Variants in TENM2 observed in about 807,000 individuals in gnomAD.
The protein encoded by TENM2 is teneurin transmembrane protein 2.
A neutral mutation model predicts 245.2 loss-of-function variants in TENM2; 52 were observed. The ratio of observed to expected loss-of-function variants is 0.21; its 90% CI spans 0.17 to 0.27. The LOEUF is 0.27. TENM2 is among the 10% of genes least tolerant of loss of function. The pLI is 1.00. For synonymous variants in TENM2, 1,363 were observed against 1,438.9 expected, an observed-to-expected ratio of 0.95 and a Z score of 1.19; for missense variants, 3,046 against 3,666.8, an observed-to-expected ratio of 0.83 and a Z score of 4.37.
At chr5:167,785,567 G>A (rs13361323) in intron 2 of TENM2, among the ~76,000 whole-genome samples, 9,175 of 152,242 alleles carry the variant, frequency 0.06, 894 homozygotes, top group African/African-American at 0.21. Context: ...TGTCTTGAAT[G>A]TATGCACAAT....
At chr5:167,007,744 G>A in the TENM2 span, among the ~76,000 whole-genome samples, 150 of 152,150 alleles carry the variant, frequency 9.9e-4, 1 homozygote, top group African/African-American at 3.2e-3. The surrounding 1 kb of genome is among the most constrained non-coding windows in gnomAD (Gnocchi z 4.2). Context: ...TGTATGTATC[G>A]AATCCATTAT....
chr5:167,448,943 T>C (rs563187314), intron 2 of TENM2, among the ~76,000 whole-genome samples: 2 of 152,228 alleles, frequency 1.3e-5, no homozygotes, highest in Admixed American at 6.5e-5. Flanking sequence ...CCTGTAAAGA[T>C]ACTTTACTTT....
the TENM2 span, among the ~76,000 whole-genome samples, chr5:167,127,193 G>A: frequency 6.6e-6 from 1 of 152,076 alleles, no homozygotes; most frequent in Non-Finnish European, 1.5e-5. Context: ...TCCCAAATTT[G>A]TAACTTCTAT....
the TENM2 span, among the ~76,000 whole-genome samples, chr5:167,040,029 G>A: frequency 6.6e-6 from 1 of 152,230 alleles, no homozygotes; most frequent in African/African-American, 2.4e-5. Context: ...ACAGCCTTCT[G>A]TCTGGCAGCA....
chr5:167,231,546 G>A, the TENM2 span, among the ~76,000 whole-genome samples: 4 of 152,154 alleles, frequency 2.6e-5, no homozygotes, highest in Non-Finnish European at 5.9e-5. Flanking sequence ...AGGGTATCTG[G>A]CAGAAGAAAT....
At chr5:168,045,025 A>C (rs1421120812) in intron 5 of TENM2, among the ~76,000 whole-genome samples, 2 of 151,884 alleles carry the variant, frequency 1.3e-5, no homozygotes, top group African/African-American at 4.8e-5. Context: ...TCACTTATTT[A>C]CTTAATGTTC....
intron 2 of TENM2, among the ~76,000 whole-genome samples, chr5:167,562,973 AAAG>A (rs1773692246): frequency 1.3e-5 from 2 of 151,708 alleles, no homozygotes; most frequent in South Asian, 2.1e-4. Context: ...AAAAAAAAAA[AAAG>A]AAAAAGAAAA....
intron 4 of TENM2, among the ~76,000 whole-genome samples, chr5:167,954,256 G>A (rs968822837): frequency 1.1e-4 from 17 of 151,874 alleles, no homozygotes; most frequent in Admixed American, 4.6e-4. Flanking sequence ...CAAAGTAAAC[G>A]TTATAACAAC....
At chr5:167,407,984 C>T (rs1441228503) in intron 2 of TENM2, among the ~76,000 whole-genome samples, 2 of 152,118 alleles carry the variant, frequency 1.3e-5, no homozygotes, top group African/African-American at 2.4e-5. Flanking sequence ...CTGATCACAT[C>T]CGTACTTGGA....
intron 2 of TENM2, among the ~76,000 whole-genome samples, chr5:167,676,594 C>T (rs947280198): frequency 9.9e-5 from 15 of 152,124 alleles, no homozygotes; most frequent in African/African-American, 3.1e-4. Context: ...AGAGTGATCA[C>T]GGTTAAGGGG....
At chr5:167,820,294 T>C (rs919610455) in intron 2 of TENM2, among the ~76,000 whole-genome samples, 1 of 152,190 alleles carries the variant, frequency 6.6e-6, no homozygotes, top group Admixed American at 6.5e-5. Flanking sequence ...TGAGGATTCT[T>C]AGTAATCAGG....
At chr5:167,070,844 T>A in the TENM2 span, among the ~76,000 whole-genome samples, 6 of 152,190 alleles carry the variant, frequency 3.9e-5, no homozygotes, top group Non-Finnish European at 8.8e-5. Flanking sequence ...AGCAGGCTTT[T>A]AAATGTTTTA....
the TENM2 span, among the ~76,000 whole-genome samples, chr5:167,205,528 C>G: frequency 1.3e-5 from 2 of 152,162 alleles, no homozygotes; most frequent in Admixed American, 6.5e-5. Context: ...ATATACTCTT[C>G]ATTTGAAATA....
rs571278079 is a variant in TENM2, at chr5:167,539,842, A to G, written c.502+164369A>G. 6.6e-5 allele frequency among the ~76,000 whole-genome samples: 10 copies of G among 152,316 alleles called. No homozygotes were observed. The East Asian group carries it at 1.9e-3, about 29-fold the overall frequency. On this transcript the variant is annotated intron_variant, in intron 2 of 28. Coordinates refer to ENST00000518659, the Ensembl canonical transcript of TENM2. ...AATATTTATGAAATATGATAATAAT[A>G]TGGAAAAGGGGGAACTGGAATACAG...
the TENM2 span, among the ~76,000 whole-genome samples, chr5:167,133,171 T>G: frequency 6.6e-6 from 1 of 152,062 alleles, no homozygotes; most frequent in Non-Finnish European, 1.5e-5. Flanking sequence ...CCGTAAAGGC[T>G]AAAGACAGAG....
At chr5:167,830,861 C>T (rs557158000) in intron 2 of TENM2, among the ~76,000 whole-genome samples, 1 of 152,154 alleles carries the variant, frequency 6.6e-6, no homozygotes, top group Non-Finnish European at 1.5e-5. Flanking sequence ...CTAACAAGCT[C>T]TCAGAGGATG....
intron 2 of TENM2, among the ~76,000 whole-genome samples, chr5:167,757,253 C>G (rs1310030060): frequency 1.3e-5 from 2 of 151,712 alleles, no homozygotes; most frequent in South Asian, 4.2e-4. Context: ...CCTCCCACCC[C>G]CCAACAGGCC....
At chr5:167,199,292 G>T in the TENM2 span, among the ~76,000 whole-genome samples, 1 of 152,042 alleles carries the variant, frequency 6.6e-6, no homozygotes, top group African/African-American at 2.4e-5. Context: ...CAGTAGCACA[G>T]AGAATAATAT....
the TENM2 span, among the ~76,000 whole-genome samples, chr5:167,259,906 G>T: frequency 3.2e-4 from 48 of 152,272 alleles, no homozygotes; most frequent in East Asian, 8.5e-3. Context: ...TGGAAGCACG[G>T]AAGAAGAAAG....
Sources: gnomAD v4.1 joint callset for allele counts (sites outside exome capture counted in the v4.1 genomes callset) on GRCh38, gnomAD v4.1.1 for gene constraint, Gnocchi (gnomAD v3.1) non-coding constraint, MANE v1.5 for transcripts, NCBI Gene and HGNC (gene_info 2026-07-23, HGNC 2026-07-21) for gene names.